AKAP12: variants seen among roughly 807,000 people sequenced by gnomAD.
AKAP12 encodes A-kinase anchoring protein 12, also known as A-kinase anchor protein 12.
A neutral mutation model predicts 79.9 loss-of-function variants in AKAP12; 32 were observed. The ratio of observed to expected loss-of-function variants is 0.40; its 90% CI spans 0.30 to 0.54. The LOEUF (loss-of-function observed/expected upper bound fraction) is 0.54, where lower values mean the gene tolerates loss of function less well. AKAP12 is among the 20% of genes least tolerant of loss of function. The pLI is 0.48. For synonymous variants in AKAP12, 808 were observed against 857.0 expected (o/e 0.94, Z 1.00); for missense variants, 2,074 against 2,177.0 (o/e 0.95, Z 0.94).
In AKAP12 at chr6:151,260,041, A is replaced by G. The variant is rs558453531; in HGVS notation, c.162+19317A>G. On this transcript the variant is annotated intron_variant, in intron 2 of 4. Coordinates refer to ENST00000402676, the MANE Select transcript of AKAP12 (RefSeq NM_005100.4). Reference sequence around the variant, plus strand: ...ACTGTGTATTTTTGTGTTAATTACAAGGTTGAAACTTGTAGAGAATCAACT... The same window carrying G: ...ACTGTGTATTTTTGTGTTAATTACAGGGTTGAAACTTGTAGAGAATCAACT... Among the ~76,000 whole-genome samples the G allele has an allele frequency of 9.2e-5, 14 of 152,240 alleles. 1 individual carries two copies. The South Asian group carries it at 2.9e-3, about 32-fold the overall frequency.
intron 2 of AKAP12, among the ~76,000 whole-genome samples, chr6:151,269,301 AT>A (rs1166394374): frequency 1.3e-5 from 2 of 151,540 alleles, no homozygotes; most frequent in African/African-American, 4.8e-5. Context: ...TCAATTTTAT[AT>A]TTTTTTCTAA....
intron 3 of AKAP12, among the ~76,000 whole-genome samples, chr6:151,343,472 A>G (rs2114812293): frequency 6.6e-6 from 1 of 152,330 alleles, no homozygotes; most frequent in Non-Finnish European, 1.5e-5. Context: ...AAATGGCATT[A>G]GAAGTGTTTG....
chr6:151,263,552 A>C (rs914279401), intron 2 of AKAP12, among the ~76,000 whole-genome samples: 7 of 151,606 alleles, frequency 4.6e-5, no homozygotes, highest in Admixed American at 3.9e-4. Context: ...TTTACTCACT[A>C]TACTCTCTTG....
chr6:151,287,202 G>A (rs974914731), intron 2 of AKAP12, among the ~76,000 whole-genome samples: 3 of 152,008 alleles, frequency 2.0e-5, no homozygotes, highest in Non-Finnish European at 4.4e-5. Flanking sequence ...GCCTCCCAGA[G>A]TGCTGGGATT....
intron 1 of AKAP12, 83 bp from the exon 2 acceptor site, chr6:151,240,301 A>C (rs373773468): frequency 1.3e-4 from 43 of 335,072 alleles, no homozygotes; most frequent in Middle Eastern, 8.1e-4. Context: ...GGCTGTGCTC[A>C]TGTGATGAAG....
At chr6:151,307,614 A>G (rs1344803855) in intron 3 of AKAP12, among the ~76,000 whole-genome samples, 1 of 152,126 alleles carries the variant, frequency 6.6e-6, no homozygotes, top group Non-Finnish European at 1.5e-5. Flanking sequence ...TAGAATCCCA[A>G]ATAGCCTGGA....
intron 2 of AKAP12, among the ~76,000 whole-genome samples, chr6:151,260,117 A>C (rs1797394737): frequency 1.3e-5 from 2 of 152,144 alleles, no homozygotes; most frequent in African/African-American, 4.8e-5. Context: ...CTCTTTTCTT[A>C]CTGTCAGTTC....
chr6:151,306,373 C>CCAAA (rs1349027692), intron 3 of AKAP12, among the ~76,000 whole-genome samples: 1 of 152,092 alleles, frequency 6.6e-6, no homozygotes, highest in African/African-American at 2.4e-5. Context: ...TGAAGAGTGA[C>CCAAA]CGTTTGGACA....
rs148666816 is a variant in AKAP12 at position 151,352,854 on chromosome 6, T to C, written c.4463T>C (p.Val1488Ala). 1.3e-5 allele frequency: 21 copies of C among 1,614,102 alleles called. No homozygotes were observed. The African/African-American group carries it at 1.7e-4, about 13-fold the overall frequency. The change falls in exon 4 of 5, where the codon GTA becomes GCA. Residue 1488 changes from valine (V) to alanine (A), a missense_variant. This residue lies in a region of AKAP12 where 614 missense variants were observed against 665.6 expected (regional missense o/e 0.92). Coordinates refer to ENST00000402676, the MANE Select transcript of AKAP12 (RefSeq NM_005100.4). ...DCQAKSTPVI[V>A]SATTKKGLSS... The stretch of plus-strand genomic sequence containing the variant: ...CAGGCAAAATCGACACCAGTGATAG[T>C]ATCTGCTACTACCAAGAAAGGCTTA...
At position 151,350,223 on chromosome 6, in the gene AKAP12, C is replaced by T. The variant is rs1352263815; in HGVS notation, c.1832C>T (p.Ala611Val). ...AAAAGAGAAGGTGTCACTCCCTGGG[C>T]ATCATTCAAAAAGATGGTGACGCCC... ...EKKREGVTPW[A>V]SFKKMVTPKK... is the part of the protein sequence containing the mutation. The change falls in exon 4 of 5, where the codon GCA becomes GTA. Residue 611 changes from alanine to valine, a missense_variant. Transcript: ENST00000402676. This position sits in a 1 kb window ranked among gnomAD's most constrained non-coding sequence, Gnocchi z 4.8. 1 of 1,613,944 alleles carries T rather than the reference C, an allele frequency of 6.2e-7. No individual in the cohort carries two copies. Among genetic ancestry groups the T allele is most frequent in the Admixed American group, 1.7e-5 (1 of 60,012 alleles).
At position 151,335,842 on chromosome 6, in the gene AKAP12, A is replaced by AG. The variant is rs530484838; in HGVS notation, c.320-12867dup. ...TACCTGGATATATTGCATAATGGTGAGGTTTGGGCTCTAGTGTACCCGTCA... is the reference window on the plus strand; with the variant it reads ...TACCTGGATATATTGCATAATGGTGAGGGTTTGGGCTCTAGTGTACCCGTCA... On this transcript the variant is annotated intron_variant, in intron 3 of 4. Transcript: ENST00000402676. Among the ~76,000 whole-genome samples, 294 of 152,256 alleles carry AG rather than the reference A, an allele frequency of 1.9e-3. 1 individual carries two copies. The highest frequency in any genetic ancestry group is 6.9e-3 in the African/African-American group (285 of 41,540).
At chr6:151,323,564 A>AG (rs200493453) in intron 3 of AKAP12, among the ~76,000 whole-genome samples, 2,093 of 152,210 alleles carry the variant, frequency 0.014, 41 homozygotes, top group African/African-American at 0.047. Flanking sequence ...AAAAAAAAAA[A>AG]AAATCAAATC....
chr6:151,247,825 T>G (rs947525289), intron 2 of AKAP12, among the ~76,000 whole-genome samples: 4 of 152,140 alleles, frequency 2.6e-5, no homozygotes, highest in East Asian at 1.9e-4. Context: ...CTGAGAAAAA[T>G]GTAGGTGTTC....
chr6:151,346,480 A>G (rs1447330297), intron 3 of AKAP12, among the ~76,000 whole-genome samples: 2 of 152,194 alleles, frequency 1.3e-5, no homozygotes, highest in African/African-American at 4.8e-5. Flanking sequence ...GTTTTGCAGA[A>G]TGCCCTTCGC....
At chr6:151,294,130 T>C (rs1344644002) in intron 2 of AKAP12, among the ~76,000 whole-genome samples, 2 of 152,044 alleles carry the variant, frequency 1.3e-5, no homozygotes, top group Non-Finnish European at 2.9e-5. Context: ...AGTGCCACCA[T>C]GCCCAGCTAA....
chr6:151,299,796 T>C (rs1263109347), intron 2 of AKAP12, among the ~76,000 whole-genome samples: 2 of 152,072 alleles, frequency 1.3e-5, no homozygotes, highest in African/African-American at 4.8e-5. Context: ...TTATTACTTA[T>C]TTATTTTTCC....
chr6:151,265,229 G>C (rs1157184064), intron 2 of AKAP12, among the ~76,000 whole-genome samples: 16 of 102,040 alleles, frequency 1.6e-4, no homozygotes, highest in Admixed American at 1.5e-3. Flanking sequence ...TTTTTTTTTT[G>C]CAATAGCTTT....
At chr6:151,240,920 A>T (rs1353874543) in intron 2 of AKAP12, among the ~76,000 whole-genome samples, 196 bp downstream of exon 2, 2 of 152,044 alleles carry the variant, frequency 1.3e-5, no homozygotes, top group East Asian at 3.9e-4. Flanking sequence ...AGCAGCGGCG[A>T]GCGCGGCGGG....
At chr6:151,281,232 T>A (rs920763317) in intron 2 of AKAP12, among the ~76,000 whole-genome samples, 1 of 152,138 alleles carries the variant, frequency 6.6e-6, no homozygotes, top group African/African-American at 2.4e-5. Context: ...TGGATGAAGG[T>A]TGCTAAAGAA....
Sources: gnomAD v4.1 joint callset for allele counts (sites outside exome capture counted in the v4.1 genomes callset) on GRCh38, gnomAD v4.1.1 for gene constraint, gnomAD v4.1.1 regional missense constraint, Gnocchi (gnomAD v3.1) non-coding constraint, MANE v1.5 for transcripts, NCBI Gene and HGNC (gene_info 2026-07-23, HGNC 2026-07-21) for gene names.